TLL1: variants seen among roughly 807,000 people sequenced by gnomAD.
The protein encoded by TLL1 is tolloid like 1, also known as tolloid-like protein 1.
TLL1 carries 49 observed loss-of-function variants against 128.2 expected under a neutral mutation model. That is an observed-to-expected ratio of 0.38 (90% CI 0.30 to 0.48). The LOEUF is 0.48. Among genes scored for constraint, TLL1 ranks in the 20% least tolerant of loss-of-function variants. TLL1 has a pLI of 0.96. For missense variants in TLL1, 1,123 were observed against 1,242.0 expected (o/e 0.90, Z 1.44); for synonymous variants, 454 against 418.8 (o/e 1.08, Z -1.03).
chr4:165,955,627 A>T (rs1054764641), intron 1 of TLL1, among the ~76,000 whole-genome samples: 28 of 152,136 alleles, frequency 1.8e-4, no homozygotes, highest in Middle Eastern at 3.2e-3. Context: ...GAGACTGGGG[A>T]CCTATATTCA....
rs142788112 is a variant in TLL1 at position 165,980,315 on chromosome 4, C to T, written c.170-9066C>T. ...AGTGTAATGGATTCAGGAACATGGGCAAGACCAAGTTTCTGACTCTGCAAG... is the reference window on the plus strand; with the variant it reads ...AGTGTAATGGATTCAGGAACATGGGTAAGACCAAGTTTCTGACTCTGCAAG... On this transcript the variant is annotated intron_variant, in intron 1 of 20. Coordinates refer to ENST00000061240, the MANE Select transcript of TLL1 (RefSeq NM_012464.5). 5.6e-3 allele frequency among the ~76,000 whole-genome samples: 853 copies of T among 152,150 alleles called. 6 individuals are homozygous for T. Among genetic ancestry groups the T allele is most frequent in the African/African-American group, 0.019 (792 of 41,538 alleles).
chr4:165,951,306 G>C (rs1734503499), intron 1 of TLL1, among the ~76,000 whole-genome samples: 2 of 152,088 alleles, frequency 1.3e-5, no homozygotes. Context: ...ATTAGAGTAA[G>C]GAATTCGAAT....
chr4:166,047,825 A>G (rs1201205551), intron 12 of TLL1, among the ~76,000 whole-genome samples: 1 of 152,072 alleles, frequency 6.6e-6, no homozygotes, highest in Non-Finnish European at 1.5e-5. Context: ...GTTTGTGTCT[A>G]CCCAAAATTT....
intron 7 of TLL1, among the ~76,000 whole-genome samples, chr4:166,013,423 G>A (rs10030287): frequency 0.01 from 1,560 of 151,878 alleles, 24 homozygotes; most frequent in African/African-American, 0.031. Context: ...TAATGCAAGC[G>A]TTAGTTTAAA....
intron 1 of TLL1, among the ~76,000 whole-genome samples, chr4:165,923,884 A>G (rs569234998): frequency 1.4e-4 from 21 of 152,208 alleles, no homozygotes; most frequent in Admixed American, 1.1e-3. Flanking sequence ...CATTTTGGTA[A>G]TTCTCACAAT....
At position 166,102,714 on chromosome 4, in the gene TLL1, T is replaced by A. The variant is rs1457191479; in HGVS notation, c.*1838T>A. On this transcript the variant is annotated 3_prime_UTR_variant, in exon 21 of 21. Transcript: ENST00000061240. ...CAGATGTAGCTTATCTGTTTTTTTC[T>A]TAAATTGTTGCCCTGAAAAAATTTC... 6.6e-6 allele frequency: 1 copy of A among 151,950 alleles called. No individual in the cohort carries two copies. The highest frequency in any genetic ancestry group is 6.6e-5 in the Admixed American group (1 of 15,214). The allele number at this position is 151,950 out of a possible 1,614,324, so 9.4% of individuals were successfully genotyped here.
intron 18 of TLL1, among the ~76,000 whole-genome samples, chr4:166,090,047 TATG>T (rs1741691294): frequency 6.6e-6 from 1 of 152,104 alleles, no homozygotes; most frequent in Non-Finnish European, 1.5e-5. Context: ...GACTGAACAT[TATG>T]ATCACTTCAG....
chr4:166,020,762 T>C (rs1204615152), intron 8 of TLL1, among the ~76,000 whole-genome samples: 1 of 152,228 alleles, frequency 6.6e-6, no homozygotes. Flanking sequence ...TCAGTAAGTC[T>C]TCCTTAATTA....
At chr4:165,906,999 T>C (rs1430408611) in intron 1 of TLL1, among the ~76,000 whole-genome samples, 4 of 152,178 alleles carry the variant, frequency 2.6e-5, no homozygotes, top group Non-Finnish European at 4.4e-5. Flanking sequence ...TCAGTAATTG[T>C]TTGCAACTAA....
chr4:165,874,546 G>A (rs1274135993), intron 1 of TLL1, among the ~76,000 whole-genome samples: 1 of 152,144 alleles, frequency 6.6e-6, no homozygotes, highest in African/African-American at 2.4e-5. Flanking sequence ...ATTGCTACCT[G>A]GAGACACCTT....
At chr4:166,087,082 C>A (rs1432766847) in intron 18 of TLL1, among the ~76,000 whole-genome samples, 1 of 152,096 alleles carries the variant, frequency 6.6e-6, no homozygotes, top group African/African-American at 2.4e-5. Flanking sequence ...CTGAAAGACT[C>A]TGATCATTAA....
intron 12 of TLL1, among the ~76,000 whole-genome samples, chr4:166,043,814 CTT>C (rs35370029): frequency 0.016 from 2,323 of 148,128 alleles, 57 homozygotes; most frequent in African/African-American, 0.051. Flanking sequence ...CATTTTTCAC[CTT>C]TTTTTTTTTT....
intron 2 of TLL1, among the ~76,000 whole-genome samples, chr4:165,991,940 G>A (rs1189282784): frequency 1.3e-5 from 2 of 151,868 alleles, no homozygotes; most frequent in Admixed American, 6.6e-5. Flanking sequence ...AATTCAAGGA[G>A]AATAGAGAAA....
intron 1 of TLL1, among the ~76,000 whole-genome samples, chr4:165,974,593 G>A (rs1161357389): frequency 6.6e-6 from 1 of 152,096 alleles, no homozygotes; most frequent in Non-Finnish European, 1.5e-5. Flanking sequence ...ATGGAGTTTA[G>A]CATTAGCTAC....
chr4:166,088,709 C>G (rs911999690), intron 18 of TLL1, among the ~76,000 whole-genome samples: 5 of 152,102 alleles, frequency 3.3e-5, no homozygotes, highest in Non-Finnish European at 5.9e-5. Flanking sequence ...TAATATGACT[C>G]TTACAGACTC....
intron 1 of TLL1, among the ~76,000 whole-genome samples, chr4:165,942,680 C>T (rs1232373512): frequency 6.6e-6 from 1 of 150,872 alleles, no homozygotes; most frequent in Non-Finnish European, 1.5e-5. Flanking sequence ...TTATTTTTAG[C>T]TTCTGCTTCT....
intron 1 of TLL1, among the ~76,000 whole-genome samples, chr4:165,893,664 A>C (rs1731519397): frequency 6.6e-6 from 1 of 152,186 alleles, no homozygotes; most frequent in Admixed American, 6.5e-5. Context: ...ACCAAAAGAA[A>C]AAAGAAAAAA....
At chr4:165,977,307 G>A (rs1735933169) in intron 1 of TLL1, among the ~76,000 whole-genome samples, 3 of 152,036 alleles carry the variant, frequency 2.0e-5, no homozygotes, top group African/African-American at 7.3e-5. Context: ...TAGTTCTTAT[G>A]AGATCTGATG....
chr4:165,906,146 A>G (rs911702406), intron 1 of TLL1, among the ~76,000 whole-genome samples: 2 of 152,222 alleles, frequency 1.3e-5, no homozygotes, highest in African/African-American at 2.4e-5. Flanking sequence ...TTATGCTACA[A>G]CAGCGTATTT....
Sources: allele counts gnomAD v4.1 joint callset (sites outside exome capture counted in the v4.1 genomes callset), GRCh38; gene constraint gnomAD v4.1.1; transcripts MANE v1.5; gene names NCBI Gene and HGNC (gene_info 2026-07-23, HGNC 2026-07-21).